The following DOCK8 variants were observed in gnomAD, a reference collection of about 807,000 sequenced individuals.
The protein encoded by DOCK8 is dedicator of cytokinesis 8.
A neutral mutation model predicts 245.6 loss-of-function variants in DOCK8; 141 were observed. The observed-to-expected ratio is 0.57, with a 90% CI of 0.50 to 0.66. DOCK8 has a LOEUF of 0.66. Among genes scored for constraint, DOCK8 ranks in the 30% least tolerant of loss-of-function variants. DOCK8 has a pLI of 0.00. For synonymous variants in DOCK8, 1,168 were observed against 970.2 expected (o/e 1.20, Z -3.79); for missense variants, 2,965 against 2,603.4 (o/e 1.14, Z -3.02).
intron 40 of DOCK8, among the ~76,000 whole-genome samples, chr9:440,041 C>T (rs759181093): frequency 1.4e-4 from 22 of 152,034 alleles, no homozygotes; most frequent in Non-Finnish European, 3.1e-4. Context: ...TTTTTTGAGA[C>T]AGAGTCTAGC....
In DOCK8 at chr9:253,040, A is replaced by T. The variant is rs139654287; in HGVS notation, c.54-18587A>T. Among the ~76,000 whole-genome samples, 3 of 152,084 alleles carry T rather than the reference A, an allele frequency of 2.0e-5. No individual in the cohort carries two copies. The South Asian group carries it at 6.2e-4, about 32-fold the overall frequency. ...AAACTAGCCTTGAACACCTAATTTT[A>T]TTAATATTCTTTTTACACTCCATCC... On this transcript the variant is annotated intron_variant, in intron 1 of 47. Coordinates refer to ENST00000432829, the MANE Select transcript of DOCK8 (RefSeq NM_203447.4).
chr9:420,359 A>T lies in DOCK8; in HGVS notation c.3841-42A>T, dbSNP rs1165400539. On this transcript the variant is annotated intron_variant, in intron 30 of 47. Transcript: ENST00000432829. ...AAGCCTCAAATTTTTCTGTTGCTTG[A>T]CTTCTTCCCTGGCCTCCATCCCCCA... 4 of 1,612,036 alleles carry T rather than the reference A, an allele frequency of 2.5e-6. No individual in the cohort carries two copies. In the South Asian group the frequency reaches 4.4e-5, roughly 18 times the overall value.
Position 446,430 on chromosome 9 carries a change from G to C in DOCK8, c.5641G>C (p.Val1881Leu). The C allele has an allele frequency of 1.2e-6, 2 of 1,614,202 alleles. No homozygotes were observed. The highest frequency in any genetic ancestry group is 1.7e-6 in the Non-Finnish European group (2 of 1,180,044). Residue 1881 changes from valine (V) to leucine (L), a missense_variant, in exon 44 of 48, where the codon GTC becomes CTC. By Grantham distance (32) the Val-to-Leu change is conservative. Coordinates refer to ENST00000432829, the MANE Select transcript of DOCK8 (RefSeq NM_203447.4). ...YFDEYEMKDR[V>L]TYFEKNFNLR... Reference sequence around the variant, plus strand: ...TGATGAGTATGAGATGAAAGACAGGGTCACATACTTTGAGAAGAATTTCAA... The same window carrying C: ...TGATGAGTATGAGATGAAAGACAGGCTCACATACTTTGAGAAGAATTTCAA...
In DOCK8 at chr9:334,219, C is replaced by T. The variant is rs764490181; in HGVS notation, c.1126-6C>T. 5.0e-6 allele frequency: 8 copies of T among 1,614,096 alleles called. No individual in the cohort carries two copies. The highest frequency in any genetic ancestry group is 4.2e-6 in the Non-Finnish European group (5 of 1,180,008). ...TTTCAGCTTGTTTCTTTCCATTTTC[C>T]TCCAGAGTAAAGAAAAGATTGAAAA... On this transcript the variant is annotated splice_polypyrimidine_tract_variant and splice_region_variant and intron_variant, in intron 10 of 47. Coordinates refer to ENST00000432829, the MANE Select transcript of DOCK8 (RefSeq NM_203447.4).
chr9:360,732 A>G (rs12335901), intron 14 of DOCK8, among the ~76,000 whole-genome samples: 38,938 of 152,062 alleles, frequency 0.26, 5,204 homozygotes, highest in Middle Eastern at 0.31. Context: ...TGTGTTTGTC[A>G]TCCTGAGAGC....
intron 29 of DOCK8, among the ~76,000 whole-genome samples, chr9:415,495 C>G (rs59796061): frequency 0.17 from 26,186 of 151,964 alleles, 3,005 homozygotes; most frequent in East Asian, 0.51. Flanking sequence ...AGATTAGCAA[C>G]AAGATGAAAG....
At chr9:317,929 C>A (rs2130755443) in intron 7 of DOCK8, among the ~76,000 whole-genome samples, 1 of 151,942 alleles carries the variant, frequency 6.6e-6, no homozygotes, top group African/African-American at 2.4e-5. Context: ...GCCACATCTA[C>A]TTCAAAGTAG....
chr9:215,480 T>A, intron 1 of DOCK8: 1 of 1,473,592 alleles, frequency 6.8e-7, no homozygotes, highest in Non-Finnish European at 9.0e-7. Flanking sequence ...TGAGGCAGGC[T>A]GCAAGCCTTC....
rs540375454 is a variant in DOCK8, at chr9:452,352, C to T, written c.6068+235C>T. On this transcript the variant is annotated intron_variant, in intron 46 of 47. Coordinates refer to ENST00000432829, the MANE Select transcript of DOCK8 (RefSeq NM_203447.4). ...TGAGGACCACTGCAGCAGAGCAACA[C>T]TACTTGAACTACTAATGAGTAACTA... is the stretch of plus-strand genomic sequence containing the variant. The T allele has an allele frequency of 9.8e-5, 33 of 338,296 alleles. No homozygotes were observed. In the East Asian group the frequency reaches 1.7e-3, roughly 17 times the overall value. The allele number at this position is 338,296 out of a possible 1,614,324, so 21.0% of individuals were successfully genotyped here.
intron 1 of DOCK8, among the ~76,000 whole-genome samples, chr9:225,685 A>G (rs1025712747): frequency 6.6e-6 from 1 of 152,222 alleles, no homozygotes; most frequent in Non-Finnish European, 1.5e-5. Context: ...GTAATATACC[A>G]GTGGGGAGAC....
At chr9:220,574 C>G (rs189320137) in intron 1 of DOCK8, among the ~76,000 whole-genome samples, 190 of 152,234 alleles carry the variant, frequency 1.2e-3, no homozygotes, top group African/African-American at 4.4e-3. Context: ...CATACTCAGA[C>G]TTCTTGCTGA....
chr9:307,352 T>TG (rs2049889642), intron 5 of DOCK8, among the ~76,000 whole-genome samples: 3 of 73,690 alleles, frequency 4.1e-5, no homozygotes, highest in African/African-American at 1.3e-4. Flanking sequence ...TTTTTTTTTT[T>TG]TTTTTTTTTT....
chr9:380,105 T>C (rs1327825488), intron 21 of DOCK8, among the ~76,000 whole-genome samples, 170 bp downstream of exon 21: 3 of 130,124 alleles, frequency 2.3e-5, no homozygotes, highest in Non-Finnish European at 3.2e-5. Flanking sequence ...GTGGCTCACA[T>C]CTGCAACCCC....
At chr9:215,315 C>G in intron 1 of DOCK8, 2 of 1,605,172 alleles carry the variant, frequency 1.2e-6, no homozygotes, top group East Asian at 4.6e-5. Context: ...GCTCCGCCCT[C>G]CAGGTTCTTA....
intron 19 of DOCK8, 22 bp from the exon 20 acceptor site, chr9:376,955 G>C (rs1290798763): frequency 1.9e-6 from 3 of 1,606,288 alleles, no homozygotes; most frequent in South Asian, 1.1e-5. Flanking sequence ...AACCCCATGA[G>C]GCCTGCCTTC....
intron 5 of DOCK8, among the ~76,000 whole-genome samples, chr9:308,059 A>G (rs1296755562): frequency 6.6e-6 from 1 of 152,208 alleles, no homozygotes; most frequent in Non-Finnish European, 1.5e-5. Context: ...GGAAGGATGG[A>G]TGGAGAAGGG....
intron 7 of DOCK8, among the ~76,000 whole-genome samples, chr9:323,521 A>G (rs1219216470): frequency 6.6e-6 from 1 of 152,144 alleles, no homozygotes; most frequent in Non-Finnish European, 1.5e-5. Flanking sequence ...GCGCCTGGCC[A>G]AAATCTACCA....
chr9:271,633 T>C lies in DOCK8; in HGVS notation c.60T>C (p.Ser20=), dbSNP rs966158643. 6.5e-7 allele frequency: 1 copy of C among 1,546,448 alleles called. No individual in the cohort carries two copies. Among genetic ancestry groups the C allele is most frequent in the African/African-American group, 1.4e-5 (1 of 73,066 alleles). ...RAFALKINRY[S]SAEIRKQFTL... is the part of the protein sequence containing the mutation. ...TTTTCTATTTTAATCCAAGGTATTC[T>C]TCAGCGGAAATAAGGAAACAGTTTA... The change falls in exon 2 of 48, where the codon TCT becomes TCC. Residue 20 remains serine (S), a synonymous_variant. Coordinates refer to ENST00000432829, the MANE Select transcript of DOCK8 (RefSeq NM_203447.4).
chr9:379,721 C>T (rs769485926), intron 20 of DOCK8, 50 bp from the exon 21 acceptor site: 2 of 1,604,548 alleles, frequency 1.2e-6, no homozygotes, highest in Non-Finnish European at 1.7e-6. Context: ...CCACCTCAGG[C>T]TCCTTAAGGA....
Sources: gnomAD v4.1 joint callset for allele counts (sites outside exome capture counted in the v4.1 genomes callset) on GRCh38, gnomAD v4.1.1 for gene constraint, MANE v1.5 for transcripts, NCBI Gene and HGNC (gene_info 2026-07-23, HGNC 2026-07-21) for gene names.